Variants in CDC42BPA observed in about 807,000 individuals in gnomAD.
CDC42BPA encodes the protein CDC42 binding protein kinase alpha.
In CDC42BPA, 80 loss-of-function variants were observed where a neutral mutation model predicts 223.5. The ratio of observed to expected loss-of-function variants is 0.36; its 90% CI spans 0.30 to 0.43. The LOEUF is 0.43. Among genes scored for constraint, CDC42BPA ranks in the 20% least tolerant of loss-of-function variants. CDC42BPA has a pLI of 1.00. For synonymous variants in CDC42BPA, 694 were observed against 718.6 expected, an observed-to-expected ratio of 0.97 and a Z score of 0.55; for missense variants, 1,743 against 2,099.9, an observed-to-expected ratio of 0.83 and a Z score of 3.32.
At chr1:227,117,721 T>C (rs911851382) in intron 12 of CDC42BPA, among the ~76,000 whole-genome samples, 2 of 148,146 alleles carry the variant, frequency 1.4e-5, no homozygotes, top group Non-Finnish European at 3.0e-5. Flanking sequence ...TAGGAGAATT[T>C]TTTAAAATCT....
chr1:227,239,352 A>G (rs951426528), intron 2 of CDC42BPA, among the ~76,000 whole-genome samples: 1 of 152,208 alleles, frequency 6.6e-6, no homozygotes, highest in Non-Finnish European at 1.5e-5. Flanking sequence ...GCAGATACAT[A>G]ACATACATTT....
chr1:227,047,845 T>C, intron 23 of CDC42BPA, 82 bp downstream of exon 23: 2 of 695,710 alleles, frequency 2.9e-6, no homozygotes, highest in South Asian at 2.1e-5. Context: ...AGAAATAATA[T>C]CAAAAAAATC....
chr1:227,209,384 C>A (rs1241973220), intron 3 of CDC42BPA, among the ~76,000 whole-genome samples: 6 of 142,362 alleles, frequency 4.2e-5, no homozygotes, highest in Non-Finnish European at 9.2e-5. Context: ...CCAGAACTTC[C>A]AACACTATGT....
At chr1:227,030,788 TC>T (rs1383687955) in intron 28 of CDC42BPA, among the ~76,000 whole-genome samples, 1 of 152,190 alleles carries the variant, frequency 6.6e-6, no homozygotes, top group Non-Finnish European at 1.5e-5. Flanking sequence ...TGAACCATAC[TC>T]ATTGAACTTT....
chr1:227,179,585 G>A (rs570220919), intron 5 of CDC42BPA, among the ~76,000 whole-genome samples: 58 of 116,524 alleles, frequency 5.0e-4, no homozygotes, highest in South Asian at 3.3e-3. Context: ...GCAGTGAGCC[G>A]AGATTGTGCC....
In CDC42BPA at chr1:227,229,693, G is replaced by A. The variant is rs191005288; in HGVS notation, c.271-16474C>T. Among the ~76,000 whole-genome samples the A allele has an allele frequency of 5.3e-5, 8 of 152,140 alleles. No individual in the cohort carries two copies. In the East Asian group the frequency reaches 1.3e-3, roughly 26 times the overall value. On this transcript the variant is annotated intron_variant, in intron 2 of 36. Transcript: ENST00000366766. ...CTTTTAGCAATATCTTCTGGTTTTT[G>A]CCTTCATTTAAAGATACTGCTGCCG...
At chr1:227,096,426 TCCCACTCACTGG>T (rs1684016349) in intron 15 of CDC42BPA, among the ~76,000 whole-genome samples, 1 of 152,214 alleles carries the variant, frequency 6.6e-6, no homozygotes, top group African/African-American at 2.4e-5. Context: ...ATCCTTGTCT[TCCCACTCACTGG>T]TAAGCATCCT....
intron 4 of CDC42BPA, among the ~76,000 whole-genome samples, chr1:227,196,752 C>T (rs756238620): frequency 6.6e-6 from 1 of 152,150 alleles, no homozygotes; most frequent in African/African-American, 2.4e-5. Flanking sequence ...ATTTAAAATT[C>T]AAGTATCTTT....
chr1:227,035,444 AT>A, intron 25 of CDC42BPA, 26 bp downstream of exon 25: 2 of 1,574,978 alleles, frequency 1.3e-6, no homozygotes, highest in African/African-American at 2.7e-5. Context: ...TAAAGGATTA[AT>A]CTAAACCCAA....
rs117083732 is a variant in CDC42BPA at position 227,053,914 on chromosome 1, T to A, written c.2905-1929A>T. ...AAAAATCTCCTCCTCCTAGTTTTCA[T>A]AAGATTATACACATTGCAAGAATTA... is the stretch of plus-strand genomic sequence containing the variant. On this transcript the variant is annotated intron_variant, in intron 21 of 36. Coordinates refer to ENST00000366766, the MANE Select transcript of CDC42BPA (RefSeq NM_001394014.1). Among the ~76,000 whole-genome samples the A allele has an allele frequency of 4.0e-3, 616 of 152,272 alleles. 7 individuals are homozygous for A. In the South Asian group the frequency reaches 0.043, roughly 11 times the overall value.
rs539149409 is a variant in CDC42BPA at position 227,118,887 on chromosome 1, A to G, written c.1647+917T>C. Among the ~76,000 whole-genome samples the G allele has an allele frequency of 7.2e-5, 11 of 152,270 alleles. No individual in the cohort carries two copies. In the South Asian group the frequency reaches 2.3e-3, roughly 32 times the overall value. ...ATTGCTTGAAACCTCATTAAGCAGA[A>G]AGTAAAAATGTACTGGTCTATTTCA... On this transcript the variant is annotated intron_variant, in intron 12 of 36. Transcript: ENST00000366766.
chr1:227,063,148 GAGTT>G (rs1221422424), intron 21 of CDC42BPA, among the ~76,000 whole-genome samples: 1 of 152,104 alleles, frequency 6.6e-6, no homozygotes, highest in Non-Finnish European at 1.5e-5. Context: ...CAGAAAAGGT[GAGTT>G]AGAGGAAAAC....
At chr1:227,113,771 G>C (rs762874187) in intron 12 of CDC42BPA, among the ~76,000 whole-genome samples, 1 of 151,868 alleles carries the variant, frequency 6.6e-6, no homozygotes, top group South Asian at 2.1e-4. Flanking sequence ...CCAGCACTTT[G>C]GGAGGCTGAG....
chr1:227,285,801 C>T (rs1420459848), intron 1 of CDC42BPA, among the ~76,000 whole-genome samples: 1 of 152,150 alleles, frequency 6.6e-6, no homozygotes, highest in Non-Finnish European at 1.5e-5. Context: ...TGTCAGCAAA[C>T]CCTAGTTAAA....
intron 1 of CDC42BPA, among the ~76,000 whole-genome samples, chr1:227,261,857 T>G (rs997262563): frequency 6.6e-6 from 1 of 152,054 alleles, no homozygotes; most frequent in Admixed American, 6.6e-5. Context: ...CCTAGGGTGT[T>G]GGTGGGGGGC....
At chr1:227,194,257 G>T (rs1670290970) in intron 4 of CDC42BPA, among the ~76,000 whole-genome samples, 1 of 152,024 alleles carries the variant, frequency 6.6e-6, no homozygotes, top group South Asian at 2.1e-4. Flanking sequence ...GATTTTAGAA[G>T]AATGAACATT....
intron 10 of CDC42BPA, among the ~76,000 whole-genome samples, chr1:227,134,000 A>AAATAAATAAAT (rs1439042894): frequency 2.1e-3 from 92 of 44,546 alleles, no homozygotes; most frequent in Middle Eastern, 0.045. Context: ...AATAAATAAA[A>AAATAAATAAAT]AAGAAATTCA....
intron 10 of CDC42BPA, among the ~76,000 whole-genome samples, chr1:227,130,841 G>A (rs753605619): frequency 4.7e-5 from 7 of 148,862 alleles, no homozygotes; most frequent in African/African-American, 7.5e-5. Context: ...GTGATAGATC[G>A]AGACTCTGTC....
intron 1 of CDC42BPA, among the ~76,000 whole-genome samples, chr1:227,260,769 T>C (rs1683901416): frequency 6.6e-6 from 1 of 151,064 alleles, no homozygotes; most frequent in South Asian, 2.1e-4. Flanking sequence ...ATTCTACCAT[T>C]CTTCTTCTCC....
Sources: allele counts gnomAD v4.1 joint callset (sites outside exome capture counted in the v4.1 genomes callset), GRCh38; gene constraint gnomAD v4.1.1; transcripts MANE v1.5; gene names NCBI Gene and HGNC (gene_info 2026-07-23, HGNC 2026-07-21).